SMOC1: variants seen among roughly 807,000 people sequenced by gnomAD.
The protein encoded by SMOC1 is SPARC-related modular calcium-binding protein 1.
A neutral mutation model predicts 56.3 loss-of-function variants in SMOC1; 22 were observed. The ratio of observed to expected loss-of-function variants is 0.39; its 90% CI spans 0.28 to 0.56. The LOEUF is 0.56. SMOC1 is among the 20% of genes least tolerant of loss of function. The pLI, the probability that SMOC1 is intolerant of heterozygous loss-of-function variation, is 0.61. For synonymous variants in SMOC1, 193 were observed against 215.0 expected (o/e 0.90, Z 0.89); for missense variants, 509 against 565.4 (o/e 0.90, Z 1.01).
Position 69,953,494 on chromosome 14 carries a change from T to G in SMOC1, c.340T>G (p.Phe114Val), listed in dbSNP as rs1355503112. ...AGCCAAGAAGCCTCAGGAAGCTGTG[T>G]TTGTCCCAGAGTGTGGCGAGGATGG... ...EQAKKPQEAVFVPECGEDGSF... is the reference protein window; with the variant it reads ...EQAKKPQEAVVVPECGEDGSF... Residue 114 changes from phenylalanine (F) to valine (V), a missense_variant, in exon 3 of 12, where the codon TTT becomes GTT. This residue lies in a region of SMOC1 where 315 missense variants were observed against 333.1 expected (regional missense o/e 0.95). Transcript: ENST00000361956. The G allele has an allele frequency of 6.2e-7, 1 of 1,614,228 alleles. No homozygotes were observed. Among genetic ancestry groups the G allele is most frequent in the African/African-American group, 1.3e-5 (1 of 75,064 alleles).
At chr14:69,904,671 G>A (rs1884358962) in intron 1 of SMOC1, among the ~76,000 whole-genome samples, 1 of 152,192 alleles carries the variant, frequency 6.6e-6, no homozygotes, top group Non-Finnish European at 1.5e-5. Flanking sequence ...CAATAGCATG[G>A]GCCCTGGAGT....
At position 70,013,478 on chromosome 14, in the gene SMOC1, A is replaced by C; in HGVS notation, c.1033A>C (p.Thr345Pro). Reference protein sequence around the residue: ...MVQAINSAAPTGGGRFSEPDP... With the variant: ...MVQAINSAAPPGGGRFSEPDP... Reference sequence around the variant, plus strand: ...TCAGGCCATTAACTCAGCAGCGCCCACTGGAGGTGGGAGGTGAGATTGTGA... The same window carrying C: ...TCAGGCCATTAACTCAGCAGCGCCCCCTGGAGGTGGGAGGTGAGATTGTGA... The change falls in exon 10 of 12, where the codon ACT (threonine) becomes CCT (proline). Residue 345 changes from threonine to proline, a missense_variant. By Grantham distance (38) the Thr-to-Pro change is conservative. Transcript: ENST00000361956. 2 of 1,614,136 alleles carry C rather than the reference A, an allele frequency of 1.2e-6. No homozygotes were observed. Among genetic ancestry groups the C allele is most frequent in the Non-Finnish European group, 1.7e-6 (2 of 1,179,996 alleles).
intron 3 of SMOC1, among the ~76,000 whole-genome samples, chr14:69,971,175 C>G (rs967735054): frequency 3.3e-5 from 5 of 152,194 alleles, no homozygotes; most frequent in Admixed American, 1.3e-4. Context: ...TCTGCCACCA[C>G]GCCTACTAAT....
intron 10 of SMOC1, among the ~76,000 whole-genome samples, chr14:70,017,110 G>T (rs1885544859): frequency 6.6e-6 from 1 of 152,160 alleles, no homozygotes; most frequent in Non-Finnish European, 1.5e-5. Flanking sequence ...TGAATAAATA[G>T]CTAGAGGGAC....
chr14:70,024,246 C>T (rs1315897645), intron 11 of SMOC1, among the ~76,000 whole-genome samples: 1 of 152,042 alleles, frequency 6.6e-6, no homozygotes, highest in Non-Finnish European at 1.5e-5. Flanking sequence ...AGGGCAAGTG[C>T]AGAGCATTGT....
intron 4 of SMOC1, 66 bp downstream of exon 4, chr14:69,975,880 A>G: frequency 2.7e-6 from 3 of 1,125,544 alleles, no homozygotes; most frequent in Non-Finnish European, 4.0e-6. Flanking sequence ...GGTCTCCTGC[A>G]TCTTGTGGGA....
rs35703501 is a variant in SMOC1 at position 69,961,272 on chromosome 14, GTATATATATATA to G, written c.378+7776_378+7787del. 3.5e-3 allele frequency among the ~76,000 whole-genome samples: 259 copies of G among 74,982 alleles called. 7 individuals are homozygous for G. The highest frequency in any genetic ancestry group is 7.7e-3 in the South Asian group (14 of 1,810). 49.2% of individuals were successfully genotyped at this position (74,982 alleles called of 152,430 possible). A position where few individuals can be genotyped will look rare whatever the true frequency, so the allele number is the denominator to read the frequency against. On this transcript the variant is annotated intron_variant, in intron 3 of 11. Transcript: ENST00000361956. ...TTATTGTCAAGCAATATTCTATTGT[GTATATATATATA>G]TATATATATATATATATATATATAT...
At chr14:69,987,315 A>G (rs1450949363) in intron 5 of SMOC1, among the ~76,000 whole-genome samples, 1 of 152,140 alleles carries the variant, frequency 6.6e-6, no homozygotes, top group Non-Finnish European at 1.5e-5. Flanking sequence ...GGGACTTGGG[A>G]TTGTTGACAG....
intron 10 of SMOC1, among the ~76,000 whole-genome samples, chr14:70,019,771 C>T (rs1386718906): frequency 1.3e-5 from 2 of 152,270 alleles, no homozygotes; most frequent in South Asian, 2.1e-4. Flanking sequence ...CCAGCACTCC[C>T]CCAGGAAAAA....
At chr14:69,915,163 C>T (rs1884654407) in intron 1 of SMOC1, among the ~76,000 whole-genome samples, 2 of 152,178 alleles carry the variant, frequency 1.3e-5, no homozygotes, top group South Asian at 2.1e-4. Context: ...CCACCGCGCC[C>T]GGCCAGTTTA....
At chr14:69,911,162 T>TA (rs747287379) in intron 1 of SMOC1, among the ~76,000 whole-genome samples, 1 of 152,144 alleles carries the variant, frequency 6.6e-6, no homozygotes, top group Non-Finnish European at 1.5e-5. Flanking sequence ...TGGCTGGTGT[T>TA]AAAATGTGTC....
At chr14:69,946,122 G>A (rs2139425953) in intron 1 of SMOC1, among the ~76,000 whole-genome samples, 1 of 152,260 alleles carries the variant, frequency 6.6e-6, no homozygotes, top group South Asian at 2.1e-4. Context: ...TTGTGGTATT[G>A]GGATGGTCTC....
chr14:69,891,316 A>C (rs1406210876), intron 1 of SMOC1, among the ~76,000 whole-genome samples: 7 of 152,252 alleles, frequency 4.6e-5, no homozygotes. Context: ...TTGTCTTTAA[A>C]TTGGGTGGTG....
Position 69,939,261 on chromosome 14 carries a change from G to A in SMOC1, c.100-12877G>A, listed in dbSNP as rs138225714. Among the ~76,000 whole-genome samples the A allele has an allele frequency of 4.2e-4, 64 of 152,298 alleles. 1 individual carries two copies. The East Asian group carries it at 0.011, about 27-fold the overall frequency. Reference sequence around the variant, plus strand: ...CTCATAATCATGGTGGAAGGCAAAGGAAGAACAAAGGCATATCTTACATGG... The same window carrying A: ...CTCATAATCATGGTGGAAGGCAAAGAAAGAACAAAGGCATATCTTACATGG... On this transcript the variant is annotated intron_variant, in intron 1 of 11. Coordinates refer to ENST00000361956, the MANE Select transcript of SMOC1 (RefSeq NM_001034852.3).
At chr14:70,017,007 G>C (rs1213716089) in intron 10 of SMOC1, among the ~76,000 whole-genome samples, 1 of 152,320 alleles carries the variant, frequency 6.6e-6, no homozygotes, top group Middle Eastern at 3.4e-3. Flanking sequence ...AGTTCTATGA[G>C]AGAAGAAACA....
intron 1 of SMOC1, among the ~76,000 whole-genome samples, chr14:69,899,354 A>G (rs1382594035): frequency 6.6e-6 from 1 of 152,164 alleles, no homozygotes; most frequent in Non-Finnish European, 1.5e-5. Context: ...TGAATGATTT[A>G]GCATCATCCT....
At chr14:70,006,918 G>A (rs1183010942) in intron 7 of SMOC1, among the ~76,000 whole-genome samples, 1 of 152,172 alleles carries the variant, frequency 6.6e-6, no homozygotes, top group Non-Finnish European at 1.5e-5. Context: ...TGAGGCCTCG[G>A]CCTGACACAA....
chr14:69,998,830 C>A (rs922622342), intron 7 of SMOC1, among the ~76,000 whole-genome samples: 1 of 152,110 alleles, frequency 6.6e-6, no homozygotes, highest in African/African-American at 2.4e-5. Flanking sequence ...TTTGTTTTGT[C>A]ATCTCTTTCT....
Position 70,013,474 on chromosome 14 carries a change from G to A in SMOC1, c.1029G>A (p.Ala343=), listed in dbSNP as rs750891455. 2.1e-5 allele frequency: 34 copies of A among 1,614,012 alleles called. No homozygotes were observed. In the East Asian group the frequency reaches 4.9e-4, roughly 23 times the overall value. The part of the protein sequence containing the change: ...TDMVQAINSA[A]PTGGGRFSEP... Reference sequence around the variant, plus strand: ...TGGTTCAGGCCATTAACTCAGCAGCGCCCACTGGAGGTGGGAGGTGAGATT... The same window carrying A: ...TGGTTCAGGCCATTAACTCAGCAGCACCCACTGGAGGTGGGAGGTGAGATT... Residue 343 remains alanine (A), a synonymous_variant, in exon 10 of 12, where the codon GCG becomes GCA. Transcript: ENST00000361956.
Sources: gnomAD v4.1 joint callset for allele counts (sites outside exome capture counted in the v4.1 genomes callset) on GRCh38, gnomAD v4.1.1 for gene constraint, gnomAD v4.1.1 regional missense constraint, MANE v1.5 for transcripts, NCBI Gene and HGNC (gene_info 2026-07-23, HGNC 2026-07-21) for gene names.